ZNF415: variants seen among roughly 807,000 people sequenced by gnomAD.
ZNF415 encodes zinc finger protein 415.
ZNF415 carries 5 observed loss-of-function variants against 7.3 expected under a neutral mutation model. The observed-to-expected ratio is 0.69, with a 90% CI of 0.36 to 1.44. ZNF415 has a LOEUF of 1.44. Among genes scored for constraint, ZNF415 ranks in the 40% most tolerant of loss-of-function variants. ZNF415 has a pLI of 0.04. For missense variants in ZNF415, 628 were observed against 664.8 expected (o/e 0.94, Z 0.61); for synonymous variants, 207 against 226.3 (o/e 0.91, Z 0.77).
intron 1 of ZNF415, 117 bp from the exon 2 acceptor site, chr19:53,122,860 C>A: frequency 1.4e-6 from 1 of 706,494 alleles, no homozygotes; most frequent in Admixed American, 2.6e-5. Flanking sequence ...TCCTCTGCCG[C>A]CCACTACACC....
intron 1 of ZNF415, among the ~76,000 whole-genome samples, chr19:53,131,763 A>G (rs1250054346): frequency 6.6e-6 from 1 of 151,806 alleles, no homozygotes; most frequent in Admixed American, 6.6e-5. Context: ...TCATTGTCCC[A>G]GTCTCCACAT....
chr19:53,132,559 TGGGAGGCACCCAGGAC>T (rs1441307244), intron 1 of ZNF415, among the ~76,000 whole-genome samples: 1 of 152,038 alleles, frequency 6.6e-6, no homozygotes, highest in Non-Finnish European at 1.5e-5. Flanking sequence ...AGGGCAAGGC[TGGGAGGCACCCAGGAC>T]GGGAATACAC....
chr19:53,123,430 G>A (rs1349912488), intron 1 of ZNF415: 7 of 398,148 alleles, frequency 1.8e-5, no homozygotes, highest in Admixed American at 4.4e-5. Flanking sequence ...GAAATGGGAA[G>A]TGGGTCACAG....
chr19:53,122,140 G>A (rs1335189803), intron 2 of ZNF415, among the ~76,000 whole-genome samples: 1 of 151,984 alleles, frequency 6.6e-6, no homozygotes, highest in African/African-American at 2.4e-5. Context: ...CAGCTACTCG[G>A]GACGCTGAGG....
intron 2 of ZNF415, among the ~76,000 whole-genome samples, chr19:53,120,564 A>C (rs1371073745): frequency 1.3e-5 from 2 of 152,206 alleles, no homozygotes. Context: ...CTCTATTGAG[A>C]GTTTCACCAT....
At chr19:53,120,098 A>G (rs2146439751) in intron 2 of ZNF415, among the ~76,000 whole-genome samples, 1 of 152,272 alleles carries the variant, frequency 6.6e-6, no homozygotes, top group Middle Eastern at 3.4e-3. Context: ...ATAGGCCGAA[A>G]TCCCTCCTGA....
At chr19:53,127,517 A>G (rs1402019913) in intron 1 of ZNF415, among the ~76,000 whole-genome samples, 3 of 152,168 alleles carry the variant, frequency 2.0e-5, no homozygotes, top group Admixed American at 1.3e-4. Context: ...ACGTGCCCCA[A>G]TGAGATCCTA....
In ZNF415 at chr19:53,109,162, T is replaced by C; in HGVS notation, c.883A>G (p.Thr295Ala). Residue 295 changes from threonine (T) to alanine (A), a missense_variant, in exon 4 of 4, where the codon ACT (threonine) becomes GCT (alanine). Physicochemically the swap from Thr to Ala is moderately conservative, Grantham distance 58 (BLOSUM62 0). Coordinates refer to ENST00000243643, the MANE Select transcript of ZNF415 (RefSeq NM_018355.4). ...SCLALHRRVH[T>A]GEKPYKCYEC... is the part of the protein sequence containing the mutation. ...TAACATTTGTAAGGTTTCTCTCCAGTGTGAACTCTCCGATGTAGTGCAAGG... is the reference window on the plus strand; with the variant it reads ...TAACATTTGTAAGGTTTCTCTCCAGCGTGAACTCTCCGATGTAGTGCAAGG... 6.2e-7 allele frequency: 1 copy of C among 1,614,124 alleles called. No homozygotes were observed. The highest frequency in any genetic ancestry group is 8.5e-7 in the Non-Finnish European group (1 of 1,180,016).
At chr19:53,127,555 G>A (rs185143276) in intron 1 of ZNF415, among the ~76,000 whole-genome samples, 80 of 152,128 alleles carry the variant, frequency 5.3e-4, no homozygotes, top group Non-Finnish European at 1.8e-4. Flanking sequence ...ACTCCAAACT[G>A]TTATTTCTAT....
chr19:53,123,519 C>G (rs764304510), intron 1 of ZNF415: 3 of 398,460 alleles, frequency 7.5e-6, no homozygotes, highest in Admixed American at 4.4e-5. Context: ...GAGGGGCCAG[C>G]GAGTTCCAGC....
chr19:53,110,508 GCATTTTTGA>G (rs1465315994), intron 3 of ZNF415, among the ~76,000 whole-genome samples: 2 of 151,864 alleles, frequency 1.3e-5, no homozygotes, highest in Non-Finnish European at 2.9e-5. Context: ...CCTAGACCAG[GCATTTTTGA>G]CATTAATGAG....
At chr19:53,129,426 C>T (rs2089750785) in intron 1 of ZNF415, among the ~76,000 whole-genome samples, 1 of 152,194 alleles carries the variant, frequency 6.6e-6, no homozygotes, top group Non-Finnish European at 1.5e-5. Context: ...GTCTCTGTGT[C>T]TGAGTCCCTG....
chr19:53,122,718 G>A lies in ZNF415; in HGVS notation c.-42C>T, dbSNP rs186125990. 2.1e-4 allele frequency: 340 copies of A among 1,613,876 alleles called. No homozygotes were observed. The African/African-American group carries it at 2.8e-3, about 13-fold the overall frequency. On this transcript the variant is annotated 5_prime_UTR_variant, in exon 2 of 4. Coordinates refer to ENST00000243643, the MANE Select transcript of ZNF415 (RefSeq NM_018355.4). ...CTCCTCTTCTGGGTTTCTTCCTCAT[G>A]TGCCAGGAGTCTTTGGAAGTCAATG... is the stretch of plus-strand genomic sequence containing the variant.
At chr19:53,123,611 G>C (rs2088521370) in intron 1 of ZNF415, 1 of 398,878 alleles carries the variant, frequency 2.5e-6, no homozygotes, top group Non-Finnish European at 4.4e-6. Context: ...GGCTGGAGCA[G>C]AGGGAGCGAG....
chr19:53,122,816 T>C, intron 1 of ZNF415, 73 bp from the exon 2 acceptor site: 3 of 1,206,126 alleles, frequency 2.5e-6, no homozygotes, highest in Admixed American at 1.8e-5. Context: ...AGCACACACA[T>C]ACACAGGGAG....
At chr19:53,130,182 T>C (rs779679896) in intron 1 of ZNF415, among the ~76,000 whole-genome samples, 2 of 152,086 alleles carry the variant, frequency 1.3e-5, no homozygotes, top group Non-Finnish European at 2.9e-5. Context: ...AGCTCACAGC[T>C]TACTATTTTA....
At chr19:53,122,491 A>G in intron 2 of ZNF415, 171 bp downstream of exon 2, 1 of 1,570,636 alleles carries the variant, frequency 6.4e-7, no homozygotes, top group Non-Finnish European at 8.6e-7. Context: ...GGTCAGGGTG[A>G]GACGGAATCT....
At chr19:53,127,887 AAAGAAAAAG>A (rs1326041576) in intron 1 of ZNF415, among the ~76,000 whole-genome samples, 3 of 112,002 alleles carry the variant, frequency 2.7e-5, no homozygotes, top group African/African-American at 1.1e-4. Flanking sequence ...AAAAAAAAAA[AAAGAAAAAG>A]AAAAAGAAAA....
chr19:53,123,868 G>A, intron 1 of ZNF415: 1 of 293,572 alleles, frequency 3.4e-6, no homozygotes, highest in Non-Finnish European at 6.1e-6. Flanking sequence ...GGACTGCAGG[G>A]GAATGCATCT....
Sources: allele counts gnomAD v4.1 joint callset (sites outside exome capture counted in the v4.1 genomes callset), GRCh38; gene constraint gnomAD v4.1.1; transcripts MANE v1.5; gene names NCBI Gene and HGNC (gene_info 2026-07-23, HGNC 2026-07-21).